The following WFS1 variants were observed in gnomAD, a reference collection of about 807,000 sequenced individuals.
WFS1 encodes the protein wolframin ER transmembrane glycoprotein.
Under a neutral mutation model 68.5 loss-of-function variants are expected in WFS1, and 90 were observed. The ratio of observed to expected loss-of-function variants is 1.31; its 90% confidence interval spans 1.11 to 1.56. WFS1 has a LOEUF of 1.56. Among genes scored for constraint, WFS1 ranks in the 40% most tolerant of loss-of-function variants. The pLI is 0.00. For missense variants in WFS1, 1,767 were observed against 1,232.6 expected (o/e 1.43, Z -6.49); for synonymous variants, 860 against 540.7 (o/e 1.59, Z -8.19).
At chr4:6,274,017 A>T (rs1729912099) in intron 1 of WFS1, among the ~76,000 whole-genome samples, 1 of 151,850 alleles carries the variant, frequency 6.6e-6, no homozygotes. Flanking sequence ...AGCACCTGGG[A>T]GTAATGGCTT....
chr4:6,271,091 G>A (rs1015429308), intron 1 of WFS1, among the ~76,000 whole-genome samples: 3 of 152,256 alleles, frequency 2.0e-5, no homozygotes, highest in East Asian at 1.9e-4. Context: ...TACCCCATGT[G>A]CTGGCTGCCT....
intron 7 of WFS1, 111 bp from the exon 8 acceptor site, chr4:6,300,546 C>T: frequency 2.0e-6 from 3 of 1,521,244 alleles, no homozygotes; most frequent in Non-Finnish European, 2.7e-6. Flanking sequence ...TGGGAAAACG[C>T]AAGGGTGCGG....
intron 2 of WFS1, among the ~76,000 whole-genome samples, chr4:6,286,384 A>G (rs946249449): frequency 2.0e-5 from 3 of 152,208 alleles, no homozygotes; most frequent in Non-Finnish European, 4.4e-5. Flanking sequence ...GGACACAGCC[A>G]GAAGACCTGA....
rs1451396243 is a variant in WFS1 at position 6,302,236 on chromosome 4, T to G, written c.2441T>G (p.Leu814Arg). ...LRASSEFKSV[L>R]LSLRQGSLIE... is the part of the protein sequence containing the mutation. The stretch of plus-strand genomic sequence containing the variant: ...GCCAGCAGCGAGTTCAAGAGCGTGC[T>G]GCTCAGCCTGCGCCAGGGCAGCCTC... The change falls in exon 8 of 8, where the codon CTG (leucine) becomes CGG (arginine). Residue 814 changes from leucine to arginine, a missense_variant. By Grantham distance (102) the Leu-to-Arg change is moderately radical (BLOSUM62 -2). Coordinates refer to ENST00000226760, the MANE Select transcript of WFS1 (RefSeq NM_006005.3). 1.2e-6 allele frequency: 2 copies of G among 1,607,038 alleles called. No homozygotes were observed. The highest frequency in any genetic ancestry group is 1.7e-5 in the Admixed American group (1 of 59,884).
rs978599973 is a variant in WFS1, at chr4:6,270,290, G to A, written c.-6+276G>A. ...GCGCTGTCGCCTGGAGCCCCGCCGC[G>A]GGCGGGACAGCAGGCCCGAGAGGCG... is the stretch of plus-strand genomic sequence containing the variant. On this transcript the variant is annotated intron_variant, in intron 1 of 7. Coordinates refer to ENST00000226760, the MANE Select transcript of WFS1 (RefSeq NM_006005.3). Among the ~76,000 whole-genome samples the A allele has an allele frequency of 2.6e-5, 4 of 151,688 alleles. No homozygotes were observed. The South Asian group carries it at 6.2e-4, about 24-fold the overall frequency.
In WFS1 at chr4:6,287,568, A is replaced by G. The variant is rs1449941607; in HGVS notation, c.315+393A>G. Among the ~76,000 whole-genome samples, 1 of 152,196 alleles carries G rather than the reference A, an allele frequency of 6.6e-6. No individual in the cohort carries two copies. Among genetic ancestry groups the G allele is most frequent in the Non-Finnish European group, 1.5e-5 (1 of 68,036 alleles). On this transcript the variant is annotated intron_variant, in intron 3 of 7. Transcript: ENST00000226760. This position sits in a 1 kb window ranked among gnomAD's most constrained non-coding sequence, Gnocchi z 6.4. ...TGTTAGCTGTGTGCACGGGGCCCTC[A>G]GAGCGGTGACCATTCACTTGGGCAT...
chr4:6,300,832 C>CGCT lies in WFS1; in HGVS notation c.1039_1041dup (p.Leu347dup), dbSNP rs1730859590. 6.2e-7 allele frequency: 1 copy of CGCT among 1,613,966 alleles called. No individual in the cohort carries two copies. Among genetic ancestry groups the CGCT allele is most frequent in the South Asian group, 1.1e-5 (1 of 91,074 alleles). On this transcript the variant is annotated inframe_insertion, in exon 8 of 8. Transcript: ENST00000226760. Reference sequence around the variant, plus strand: ...ATCGACTTCTTCGCCTTCTTCATCCCGCTGGTCATCTTCTACCTGTCCTTC... The same window carrying CGCT: ...ATCGACTTCTTCGCCTTCTTCATCCCGCTGCTGGTCATCTTCTACCTGTCCTTC...
intron 2 of WFS1, among the ~76,000 whole-genome samples, chr4:6,284,889 G>A (rs989798388): frequency 6.6e-6 from 1 of 150,686 alleles, no homozygotes; most frequent in Admixed American, 6.6e-5. Context: ...CATGGCCTTG[G>A]TGCCTGCAGG....
Position 6,302,783 on chromosome 4 carries a change from G to A in WFS1, c.*315G>A, listed in dbSNP as rs1364137855. ...GTGTCTGGAAAAGCACTTTACAGAT[G>A]AGATTCCCTCTCCTCCCCCACCTTC... On this transcript the variant is annotated 3_prime_UTR_variant, in exon 8 of 8. Transcript: ENST00000226760. 2.1e-5 allele frequency: 10 copies of A among 480,564 alleles called. No homozygotes were observed. Among genetic ancestry groups the A allele is most frequent in the Non-Finnish European group, 3.7e-5 (10 of 269,044 alleles). 29.8% of individuals were successfully genotyped at this position (480,564 alleles called of 1,614,324 possible).
At position 6,287,490 on chromosome 4, in the gene WFS1, A is replaced by G. The variant is rs1458317194; in HGVS notation, c.315+315A>G. 6.6e-5 allele frequency among the ~76,000 whole-genome samples: 10 copies of G among 152,002 alleles called. No individual in the cohort carries two copies. On this transcript the variant is annotated intron_variant, in intron 3 of 7. Coordinates refer to ENST00000226760, the MANE Select transcript of WFS1 (RefSeq NM_006005.3). The surrounding 1 kb of genome is among the most constrained non-coding windows in gnomAD (Gnocchi z 6.4). Reference sequence around the variant, plus strand: ...TGCCTGCTCAGTGCCACCCCTCAACATACACTGTGTATGCTGCCCACTCTT... The same window carrying G: ...TGCCTGCTCAGTGCCACCCCTCAACGTACACTGTGTATGCTGCCCACTCTT...
At chr4:6,296,480 A>G (rs1360037861) in intron 7 of WFS1, among the ~76,000 whole-genome samples, 1 of 152,250 alleles carries the variant, frequency 6.6e-6, no homozygotes, top group African/African-American at 2.4e-5. Context: ...AACTTGAACC[A>G]AGGGAGCACA....
intron 2 of WFS1, among the ~76,000 whole-genome samples, chr4:6,282,360 A>G (rs1203437580): frequency 6.6e-6 from 1 of 152,230 alleles, no homozygotes; most frequent in Admixed American, 6.5e-5. Flanking sequence ...TGATGACAGC[A>G]CACAGCACAT....
chr4:6,290,939 G>T (rs1446696154), intron 4 of WFS1, among the ~76,000 whole-genome samples: 1 of 152,212 alleles, frequency 6.6e-6, no homozygotes, highest in Non-Finnish European at 1.5e-5. Flanking sequence ...AACAGGAAGA[G>T]GCTGCCTTCT....
chr4:6,301,282 T>C lies in WFS1; in HGVS notation c.1487T>C (p.Leu496Pro). ...TTCATCACCGTGCCTGTCGGCCACC[T>C]GGTCGTCCTCAACGTCAGCGTCCCG... ...QTFITVPVGHLVVLNVSVPCL... is the reference protein window; with the variant it reads ...QTFITVPVGHPVVLNVSVPCL... The change falls in exon 8 of 8, where the codon CTG becomes CCG. Residue 496 changes from leucine to proline, a missense_variant. Physicochemically the swap from Leu to Pro is moderately conservative, Grantham distance 98. Coordinates refer to ENST00000226760, the MANE Select transcript of WFS1 (RefSeq NM_006005.3). 1.9e-6 allele frequency: 3 copies of C among 1,611,496 alleles called. No individual in the cohort carries two copies. Among genetic ancestry groups the C allele is most frequent in the Non-Finnish European group, 2.5e-6 (3 of 1,180,012 alleles).
At chr4:6,285,203 G>T (rs115991783) in intron 2 of WFS1, among the ~76,000 whole-genome samples, 7 of 36,618 alleles carry the variant, frequency 1.9e-4, no homozygotes, top group South Asian at 1.0e-3. Context: ...CCAGGGAGAG[G>T]GGCGTCCAGG....
rs1325739332 is a variant in WFS1, at chr4:6,285,492, G to C, written c.233-1601G>C. ...TGCGTGTGCCTGACCACGAGAGCTT[G>C]TGAAGAATCCATCTGATTCTTTCCT... On this transcript the variant is annotated intron_variant, in intron 2 of 7. Coordinates refer to ENST00000226760, the MANE Select transcript of WFS1 (RefSeq NM_006005.3). Among the ~76,000 whole-genome samples, 3 of 152,256 alleles carry C rather than the reference G, an allele frequency of 2.0e-5. No individual in the cohort carries two copies. In the East Asian group the frequency reaches 5.8e-4, roughly 29 times the overall value.
intron 2 of WFS1, among the ~76,000 whole-genome samples, chr4:6,280,301 T>C (rs1186487655): frequency 6.6e-6 from 1 of 152,208 alleles, no homozygotes; most frequent in Non-Finnish European, 1.5e-5. Flanking sequence ...TGTCGGTGGC[T>C]GCCCCAGGGC....
intron 1 of WFS1, among the ~76,000 whole-genome samples, chr4:6,272,239 C>T: frequency 6.6e-6 from 1 of 152,240 alleles, no homozygotes; most frequent in African/African-American, 2.4e-5. Context: ...GGGCCCAGCA[C>T]AGTGCTTGGC....
At chr4:6,300,337 C>G (rs531946386) in intron 7 of WFS1, among the ~76,000 whole-genome samples, 4 of 152,060 alleles carry the variant, frequency 2.6e-5, no homozygotes, top group Non-Finnish European at 5.9e-5. Flanking sequence ...GTGGGGAGCC[C>G]GTGGGTCCCT....
Sources: gnomAD v4.1 joint callset for allele counts (sites outside exome capture counted in the v4.1 genomes callset) on GRCh38, gnomAD v4.1.1 for gene constraint, Gnocchi (gnomAD v3.1) non-coding constraint, MANE v1.5 for transcripts, NCBI Gene and HGNC (gene_info 2026-07-23, HGNC 2026-07-21) for gene names.